The following BTBD9 variants were observed in gnomAD, a reference collection of about 807,000 sequenced individuals.
The protein encoded by BTBD9 is BTB/POZ domain-containing protein 9.
Under a neutral mutation model 64.3 loss-of-function variants are expected in BTBD9, and 49 were observed. That is an observed-to-expected ratio of 0.76 (90% CI 0.61 to 0.97). The LOEUF is 0.97. BTBD9 is among the 50% of genes least tolerant of loss of function. The pLI, the probability that BTBD9 is intolerant of heterozygous loss-of-function variation, is 0.00. For synonymous variants in BTBD9, 260 were observed against 274.7 expected (o/e 0.95, Z 0.53); for missense variants, 598 against 762.1 (o/e 0.78, Z 2.53).
chr6:38,247,665 A>AAAGTACTCTC, intron 9 of BTBD9, among the ~76,000 whole-genome samples: 1 of 152,264 alleles, frequency 6.6e-6, no homozygotes, highest in Non-Finnish European at 1.5e-5. Context: ...AAGGCAGAAG[A>AAAGTACTCTC]AAGTACTCTC....
At chr6:38,399,221 A>G (rs562343453) in intron 6 of BTBD9, among the ~76,000 whole-genome samples, 87 of 152,312 alleles carry the variant, frequency 5.7e-4, no homozygotes, top group Non-Finnish European at 1.1e-3. Flanking sequence ...TAATCTTTCT[A>G]GACTTTAATA....
chr6:38,458,984 T>C (rs139054470), intron 6 of BTBD9, among the ~76,000 whole-genome samples: 75 of 152,306 alleles, frequency 4.9e-4, no homozygotes, highest in Non-Finnish European at 7.9e-4. Context: ...GCGTAATTCA[T>C]GCTATATAAA....
intron 9 of BTBD9, among the ~76,000 whole-genome samples, chr6:38,205,219 G>C (rs926678428): frequency 6.6e-6 from 1 of 152,118 alleles, no homozygotes; most frequent in Non-Finnish European, 1.5e-5. Flanking sequence ...TAAGATTCCA[G>C]GTTAAAGATC....
At chr6:38,521,115 C>T (rs992888794) in intron 6 of BTBD9, among the ~76,000 whole-genome samples, 2 of 148,340 alleles carry the variant, frequency 1.3e-5, no homozygotes, top group African/African-American at 2.5e-5. Context: ...TGTGTACCCA[C>T]AAAAACTGAA....
At chr6:38,387,001 T>C (rs1413782802) in intron 6 of BTBD9, among the ~76,000 whole-genome samples, 1 of 152,126 alleles carries the variant, frequency 6.6e-6, no homozygotes, top group Non-Finnish European at 1.5e-5. Context: ...TGGTCCCAAT[T>C]CCCCATTTGG....
At chr6:38,545,837 A>AACACAC (rs1233030307) in intron 6 of BTBD9, among the ~76,000 whole-genome samples, 18 of 112,870 alleles carry the variant, frequency 1.6e-4, no homozygotes, top group African/African-American at 3.6e-4. Context: ...TAATATTTAA[A>AACACAC]ACACACACAC....
chr6:38,570,368 G>T (rs1159902736), intron 6 of BTBD9, among the ~76,000 whole-genome samples: 5 of 152,138 alleles, frequency 3.3e-5, no homozygotes, highest in Non-Finnish European at 7.4e-5. Context: ...AGGCAGACCT[G>T]GTTACAAATT....
intron 6 of BTBD9, among the ~76,000 whole-genome samples, chr6:38,409,514 G>A (rs775500822): frequency 2.0e-4 from 30 of 152,198 alleles, no homozygotes; most frequent in South Asian, 4.2e-4. Context: ...AGAATTTCTT[G>A]AAAAGGCTAT....
At position 38,505,422 on chromosome 6, in the gene BTBD9, TGA is replaced by T. The variant is rs1243036699; in HGVS notation, c.1154+72176_1154+72177del. Among the ~76,000 whole-genome samples the T allele has an allele frequency of 3.3e-5, 5 of 151,916 alleles. No individual in the cohort carries two copies. The East Asian group carries it at 9.8e-4, about 30-fold the overall frequency. ...GGCAAATCACTTGAGGTCAGGAGTTTGAGATTAGCGAGGCCAACATGGTGAAA... is the reference window on the plus strand; with the variant it reads ...GGCAAATCACTTGAGGTCAGGAGTTTGATTAGCGAGGCCAACATGGTGAAA... On this transcript the variant is annotated intron_variant, in intron 6 of 10. Coordinates refer to ENST00000481247, the MANE Select transcript of BTBD9 (RefSeq NM_001099272.2).
intron 6 of BTBD9, among the ~76,000 whole-genome samples, chr6:38,521,802 G>A (rs1157179257): frequency 6.6e-6 from 1 of 152,044 alleles, no homozygotes; most frequent in Admixed American, 6.6e-5. Context: ...AGCCTTCCAA[G>A]TAGCTGGGAT....
In BTBD9 at chr6:38,369,769, C is replaced by G. The variant is rs138880658; in HGVS notation, c.1155-24676G>C. On this transcript the variant is annotated intron_variant, in intron 6 of 10. Coordinates refer to ENST00000481247, the MANE Select transcript of BTBD9 (RefSeq NM_001099272.2). ...CTCTTGGCCAGGGCTCTTCAGGTAC[C>G]TGACTAAGCTGGGCCAATCAGGTTC... Among the ~76,000 whole-genome samples, 5 of 152,326 alleles carry G rather than the reference C, an allele frequency of 3.3e-5. No individual in the cohort carries two copies. The East Asian group carries it at 7.7e-4, about 23-fold the overall frequency.
chr6:38,592,604 A>T lies in BTBD9; in HGVS notation c.786T>A (p.Asp262Glu). ...DAIKVRSESR[D>E]MDLNYRGMLI... Reference sequence around the variant, plus strand: ...GCATGCCTCTATAATTGAGGTCCATATCCCGGCTCTCAGATCGCACTTTAA... The same window carrying T: ...GCATGCCTCTATAATTGAGGTCCATTTCCCGGCTCTCAGATCGCACTTTAA... Residue 262 changes from aspartate to glutamate, a missense_variant, in exon 4 of 11, where the codon GAT becomes GAA. Asp to Glu is a conservative substitution (Grantham distance 45, BLOSUM62 2). Transcript: ENST00000481247. 1.2e-6 allele frequency: 2 copies of T among 1,614,130 alleles called. No individual in the cohort carries two copies. The highest frequency in any genetic ancestry group is 1.1e-5 in the South Asian group (1 of 91,074).
intron 4 of BTBD9, among the ~76,000 whole-genome samples, chr6:38,585,163 A>G (rs71571329): frequency 0.085 from 12,969 of 152,048 alleles, 1,432 homozygotes; most frequent in African/African-American, 0.26. Context: ...GACACTACAC[A>G]CTCCCATGGA....
At chr6:38,507,718 G>A (rs756929945) in intron 6 of BTBD9, among the ~76,000 whole-genome samples, 21 of 151,554 alleles carry the variant, frequency 1.4e-4, no homozygotes, top group African/African-American at 3.4e-4. Context: ...TTCCTGAAAC[G>A]TTAGTGCTTC....
intron 8 of BTBD9, among the ~76,000 whole-genome samples, chr6:38,272,158 G>A (rs953048107): frequency 6.6e-6 from 1 of 152,100 alleles, no homozygotes; most frequent in Non-Finnish European, 1.5e-5. Context: ...TAGTAGGGTA[G>A]GGTGAAGAAA....
At chr6:38,561,152 T>G (rs937063233) in intron 6 of BTBD9, among the ~76,000 whole-genome samples, 1 of 152,194 alleles carries the variant, frequency 6.6e-6, no homozygotes, top group Non-Finnish European at 1.5e-5. Context: ...TTTAAAGAAA[T>G]AGCCACACTG....
intron 7 of BTBD9, among the ~76,000 whole-genome samples, chr6:38,303,723 G>A (rs1762496018): frequency 1.3e-5 from 2 of 151,458 alleles, no homozygotes; most frequent in South Asian, 4.2e-4. Context: ...AAAAGGCTGG[G>A]ATCAGCACTC....
chr6:38,391,690 T>C (rs1298905242), intron 6 of BTBD9, among the ~76,000 whole-genome samples: 1 of 152,122 alleles, frequency 6.6e-6, no homozygotes, highest in Admixed American at 6.5e-5. Flanking sequence ...CTGAATTTAA[T>C]TGCCTTGGCA....
chr6:38,289,720 T>G (rs960816662), intron 7 of BTBD9, among the ~76,000 whole-genome samples: 1 of 152,188 alleles, frequency 6.6e-6, no homozygotes, highest in African/African-American at 2.4e-5. Flanking sequence ...TGCTGCATCT[T>G]AAAAACCCAG....
Sources: allele counts gnomAD v4.1 joint callset (sites outside exome capture counted in the v4.1 genomes callset), GRCh38; gene constraint gnomAD v4.1.1; transcripts MANE v1.5; gene names NCBI Gene and HGNC (gene_info 2026-07-23, HGNC 2026-07-21).